The following MTUS2 variants were observed in gnomAD, a reference collection of about 807,000 sequenced individuals.
The protein encoded by MTUS2 is microtubule-associated tumor suppressor candidate 2.
Under a neutral mutation model 114.1 loss-of-function variants are expected in MTUS2, and 40 were observed. The observed-to-expected ratio is 0.35, with a 90% CI of 0.27 to 0.46. The LOEUF (loss-of-function observed/expected upper bound fraction) is 0.46, where lower values mean the gene tolerates loss of function less well. Among genes scored for constraint, MTUS2 ranks in the 20% least tolerant of loss-of-function variants. The probability of loss-of-function intolerance (pLI) is 1.00; values close to 1 mark genes in which losing one functional copy is unlikely to be tolerated. For synonymous variants in MTUS2, 688 were observed against 672.0 expected (o/e 1.02, Z -0.37); for missense variants, 1,679 against 1,705.4 (o/e 0.98, Z 0.27).
chr13:28,847,165 T>C (rs1875943424), intron 2 of MTUS2, among the ~76,000 whole-genome samples: 1 of 152,156 alleles, frequency 6.6e-6, no homozygotes, highest in Non-Finnish European at 1.5e-5. Context: ...TGCCAGAAAA[T>C]CACCTAAGGT....
At chr13:29,203,331 C>G (rs988758661) in intron 5 of MTUS2, among the ~76,000 whole-genome samples, 6 of 152,198 alleles carry the variant, frequency 3.9e-5, no homozygotes, top group African/African-American at 1.4e-4. Flanking sequence ...ACCACCTACT[C>G]AAGCCTCAGT....
chr13:29,250,403 A>G (rs1897081895), intron 5 of MTUS2: 1 of 151,928 alleles, frequency 6.6e-6, no homozygotes, highest in Non-Finnish European at 1.5e-5. Context: ...GAAAAATATG[A>G]TTCTTGCTTA....
At chr13:29,004,140 A>C (rs537394292) in intron 2 of MTUS2, among the ~76,000 whole-genome samples, 1 of 152,272 alleles carries the variant, frequency 6.6e-6, no homozygotes, top group African/African-American at 2.4e-5. Flanking sequence ...ATAATTCTAC[A>C]ATGTGGCTTT....
chr13:29,305,402 T>A (rs1239433439), intron 6 of MTUS2, among the ~76,000 whole-genome samples: 1 of 151,538 alleles, frequency 6.6e-6, no homozygotes, highest in African/African-American at 2.4e-5. Context: ...GCTAGACTAA[T>A]AAAGAAGAAA....
chr13:29,495,884 G>A (rs1566238377), intron 12 of MTUS2, among the ~76,000 whole-genome samples: 1 of 151,758 alleles, frequency 6.6e-6, no homozygotes, highest in Non-Finnish European at 1.5e-5. Context: ...CTCTGTCTTT[G>A]TCTCTCTTTT....
chr13:28,963,766 C>G (rs1309406202), intron 2 of MTUS2, among the ~76,000 whole-genome samples: 1 of 152,190 alleles, frequency 6.6e-6, no homozygotes, highest in Non-Finnish European at 1.5e-5. Flanking sequence ...GGAGACTGCT[C>G]TTGTCAACTT....
At chr13:29,194,297 G>A (rs1334814996) in intron 5 of MTUS2, among the ~76,000 whole-genome samples, 1 of 152,174 alleles carries the variant, frequency 6.6e-6, no homozygotes, top group African/African-American at 2.4e-5. Flanking sequence ...TACCATCAGA[G>A]TGAAGAGGCA....
At chr13:28,852,955 ACATACATACATACATACATT>A in intron 2 of MTUS2, among the ~76,000 whole-genome samples, 9 of 132,382 alleles carry the variant, frequency 6.8e-5, no homozygotes, top group Admixed American at 1.6e-4. Flanking sequence ...TTAAATACAT[ACATACATACATACATACATT>A]CATTCATTCA....
At chr13:29,109,618 ATAATAT>A (rs1359993260) in intron 5 of MTUS2, among the ~76,000 whole-genome samples, 2 of 152,160 alleles carry the variant, frequency 1.3e-5, no homozygotes, top group Non-Finnish European at 2.9e-5. Context: ...TAAAATAATA[ATAATAT>A]TAATAATGAT....
At chr13:29,032,882 C>G (rs1593402879) in intron 3 of MTUS2, among the ~76,000 whole-genome samples, 2 of 152,182 alleles carry the variant, frequency 1.3e-5, no homozygotes, top group African/African-American at 4.8e-5. Flanking sequence ...TCTTTTCATG[C>G]ATGGCCCTTA....
At chr13:29,065,557 A>G (rs1888625994) in intron 4 of MTUS2, among the ~76,000 whole-genome samples, 1 of 152,144 alleles carries the variant, frequency 6.6e-6, no homozygotes, top group South Asian at 2.1e-4. Context: ...TAGTTTTCAA[A>G]TATTTTCCCC....
chr13:29,055,489 A>C (rs1388463951), intron 4 of MTUS2, among the ~76,000 whole-genome samples: 1 of 152,080 alleles, frequency 6.6e-6, no homozygotes, highest in African/African-American at 2.4e-5. Context: ...ACAGTAGCCT[A>C]TGGGTAGTTT....
At position 29,026,715 on chromosome 13, in the gene MTUS2, A is replaced by T. The variant is rs1886571549; in HGVS notation, c.2017A>T (p.Thr673Ser). Residue 673 changes from threonine (T) to serine (S), a missense_variant, in exon 3 of 16, where the codon ACA becomes TCA. By Grantham distance (58) the Thr-to-Ser change is moderately conservative (BLOSUM62 1). Around this residue, in one of 3 missense-constraint regions of MTUS2, gnomAD observed 822 missense variants for 899.7 expected, o/e 0.91. Coordinates refer to ENST00000612955, the MANE Select transcript of MTUS2 (RefSeq NM_001033602.4). The part of the protein sequence containing the change: ...VPVGLPYAPP[T>S]CTMPLPHEEK... ...AGTGGGGCTTCCATATGCCCCGCCC[A>T]CATGTACCATGCCTCTTCCCCACGA... The T allele has an allele frequency of 1.2e-6, 2 of 1,613,832 alleles. No individual in the cohort carries two copies. Among genetic ancestry groups the T allele is most frequent in the East Asian group, 2.2e-5 (1 of 44,878 alleles).
At chr13:28,947,410 A>G (rs1176304852) in intron 2 of MTUS2, among the ~76,000 whole-genome samples, 2 of 152,210 alleles carry the variant, frequency 1.3e-5, no homozygotes, top group Admixed American at 6.5e-5. Context: ...AAGCATTTAA[A>G]TTGAATTTTA....
chr13:29,233,757 T>C (rs535964501), intron 5 of MTUS2, among the ~76,000 whole-genome samples: 1 of 152,334 alleles, frequency 6.6e-6, no homozygotes, highest in South Asian at 2.1e-4. Flanking sequence ...ACATATCACC[T>C]GGAGATTGAC....
intron 2 of MTUS2, among the ~76,000 whole-genome samples, chr13:28,930,202 C>G (rs890271996): frequency 5.9e-5 from 9 of 152,202 alleles, no homozygotes; most frequent in Admixed American, 2.6e-4. Context: ...TCAAAATTAT[C>G]TTTTAAATAG....
intron 8 of MTUS2, among the ~76,000 whole-genome samples, chr13:29,382,828 T>G (rs1172496879): frequency 1.3e-5 from 2 of 151,974 alleles, no homozygotes; most frequent in Non-Finnish European, 2.9e-5. Flanking sequence ...TTTAAGTCAG[T>G]GTGTGATTAA....
At chr13:29,231,969 G>T (rs190930901) in intron 5 of MTUS2, among the ~76,000 whole-genome samples, 249 of 152,174 alleles carry the variant, frequency 1.6e-3, no homozygotes, top group Non-Finnish European at 2.7e-3. Flanking sequence ...GAGGATATAA[G>T]AATTTTTTTA....
chr13:28,840,374 TTTGA>T (rs1253758038), intron 2 of MTUS2, among the ~76,000 whole-genome samples: 2 of 152,158 alleles, frequency 1.3e-5, no homozygotes, highest in African/African-American at 4.8e-5. Flanking sequence ...GCTTAAAACA[TTTGA>T]GGGAAGCTTT....
Sources: allele counts gnomAD v4.1 joint callset (sites outside exome capture counted in the v4.1 genomes callset), GRCh38; gene constraint gnomAD v4.1.1; regional missense constraint gnomAD v4.1.1; transcripts MANE v1.5; gene names NCBI Gene and HGNC (gene_info 2026-07-23, HGNC 2026-07-21).